Variants in KCNMA1 observed in about 807,000 individuals in gnomAD.
KCNMA1 encodes Calcium-activated potassium channel subunit alpha-1.
Under a neutral mutation model 140.0 loss-of-function variants are expected in KCNMA1, and 29 were observed. That is an observed-to-expected ratio of 0.21 (90% CI 0.15 to 0.28). The LOEUF (loss-of-function observed/expected upper bound fraction) is 0.28. Among genes scored for constraint, KCNMA1 ranks in the 10% least tolerant of loss-of-function variants. The probability of loss-of-function intolerance (pLI) is 1.00; values close to 1 mark genes in which losing one functional copy is unlikely to be tolerated. For missense variants in KCNMA1, 880 were observed against 1,602.2 expected, an observed-to-expected ratio of 0.55 and a Z score of 7.70; for synonymous variants, 612 against 611.9, an observed-to-expected ratio of 1.00 and a Z score of 0.00.
intron 20 of KCNMA1, among the ~76,000 whole-genome samples, chr10:76,968,543 A>T (rs1295376572): frequency 1.3e-5 from 2 of 152,176 alleles, no homozygotes; most frequent in Non-Finnish European, 2.9e-5. Flanking sequence ...GCTTTTCTCT[A>T]CTTTAAATGG....
Position 77,466,108 on chromosome 10 carries a change from A to G in KCNMA1, c.379-62085T>C, listed in dbSNP as rs1033650453. ...GACCATGAGGCCCAGGGCTGCATCC[A>G]CCTCTTCCTGGCCCAGACCTCTCTG... is the stretch of plus-strand genomic sequence containing the variant. On this transcript the variant is annotated intron_variant, in intron 1 of 27. Transcript: ENST00000286628. 4.0e-5 allele frequency among the ~76,000 whole-genome samples: 6 copies of G among 151,882 alleles called. No individual in the cohort carries two copies. The South Asian group carries it at 1.3e-3, about 32-fold the overall frequency.
intron 5 of KCNMA1, among the ~76,000 whole-genome samples, chr10:77,181,423 C>T (rs114414065): frequency 6.6e-6 from 1 of 152,302 alleles, no homozygotes; most frequent in African/African-American, 2.4e-5. Flanking sequence ...CTCAGGGGTG[C>T]TGCTGATAGA....
chr10:77,431,681 T>TAA lies in KCNMA1; in HGVS notation c.379-27660_379-27659dup, dbSNP rs71028276. Among the ~76,000 whole-genome samples the TAA allele has an allele frequency of 9.1e-3, 687 of 75,386 alleles. 15 individuals carry two copies. The highest frequency in any genetic ancestry group is 0.015 in the South Asian group (27 of 1,750). The allele number at this position is 75,386 out of a possible 152,430, so 49.5% of individuals were successfully genotyped here. ...CATGCCCCTGAAGTCTGGTCTGTTG[T>TAA]AAAAAAAAAAAAAAAAAAAAAAAAA... On this transcript the variant is annotated intron_variant, in intron 1 of 27. Coordinates refer to ENST00000286628, the MANE Select transcript of KCNMA1 (RefSeq NM_001161352.2).
At chr10:76,926,783 C>T (rs1009474371) in intron 23 of KCNMA1, among the ~76,000 whole-genome samples, 1 of 152,140 alleles carries the variant, frequency 6.6e-6, no homozygotes, top group Non-Finnish European at 1.5e-5. Flanking sequence ...TTCCAGAATC[C>T]TATCACATTG....
chr10:77,318,933 C>T (rs1026049925), intron 2 of KCNMA1, among the ~76,000 whole-genome samples: 2 of 152,142 alleles, frequency 1.3e-5, no homozygotes, highest in South Asian at 2.1e-4. Flanking sequence ...GCTGCTGGCC[C>T]GCTGCAAGCC....
At chr10:76,909,388 A>G (rs1293235152) in intron 25 of KCNMA1, among the ~76,000 whole-genome samples, 1 of 152,132 alleles carries the variant, frequency 6.6e-6, no homozygotes, top group Non-Finnish European at 1.5e-5. Flanking sequence ...AATCCCCTTA[A>G]AGCATGAACC....
chr10:77,407,146 A>G (rs2096494582), intron 1 of KCNMA1, among the ~76,000 whole-genome samples: 1 of 152,198 alleles, frequency 6.6e-6, no homozygotes. Context: ...ATTTGCTTAC[A>G]CTAGATGTTG....
chr10:77,474,131 CAG>C (rs1487321214), intron 1 of KCNMA1, among the ~76,000 whole-genome samples: 5 of 152,290 alleles, frequency 3.3e-5, no homozygotes, highest in East Asian at 3.9e-4. Flanking sequence ...AACAGGAAGA[CAG>C]GGGTGAAAAC....
chr10:77,544,138 A>G (rs1297093114), intron 1 of KCNMA1, among the ~76,000 whole-genome samples: 4 of 144,276 alleles, frequency 2.8e-5, no homozygotes, highest in Non-Finnish European at 6.0e-5. Context: ...TGTGATCTAC[A>G]TATCTTTCCA....
chr10:77,407,633 G>T (rs538416933), intron 1 of KCNMA1, among the ~76,000 whole-genome samples: 3 of 152,334 alleles, frequency 2.0e-5, no homozygotes, highest in African/African-American at 7.2e-5. Context: ...GCCCACCTGG[G>T]CTTGTACCTG....
chr10:77,636,972 C>T, intron 1 of KCNMA1: 1 of 1,412,860 alleles, frequency 7.1e-7, no homozygotes, highest in Non-Finnish European at 9.2e-7. Flanking sequence ...CCTGTGAGTC[C>T]CCGACCCCGG....
At chr10:77,559,367 C>T (rs920436602) in intron 1 of KCNMA1, among the ~76,000 whole-genome samples, 2 of 152,228 alleles carry the variant, frequency 1.3e-5, no homozygotes, top group East Asian at 1.9e-4. Flanking sequence ...GGACCTGGCA[C>T]AGTCGACACT....
chr10:77,497,531 A>G (rs527556130), intron 1 of KCNMA1, among the ~76,000 whole-genome samples: 1 of 152,320 alleles, frequency 6.6e-6, no homozygotes, highest in African/African-American at 2.4e-5. Context: ...CCCCGCAGAC[A>G]GGCTTCCAAA....
chr10:77,011,839 G>A lies in KCNMA1; in HGVS notation c.2092+128C>T, dbSNP rs555914146. ...TATTTCATATTTCTTTAAACTGCTGGGTGAAACATAAACATACTCAAGAAA... is the reference window on the plus strand; with the variant it reads ...TATTTCATATTTCTTTAAACTGCTGAGTGAAACATAAACATACTCAAGAAA... On this transcript the variant is annotated intron_variant, in intron 18 of 27. Transcript: ENST00000286628. The A allele has an allele frequency of 1.2e-4, 103 of 830,896 alleles. No individual in the cohort carries two copies. In the African/African-American group the frequency reaches 1.5e-3, roughly 12 times the overall value. The allele number at this position is 830,896 out of a possible 1,614,324, so 51.5% of individuals were successfully genotyped here.
intron 3 of KCNMA1, among the ~76,000 whole-genome samples, chr10:77,224,846 G>T (rs1470314730): frequency 9.2e-5 from 14 of 152,284 alleles, no homozygotes; most frequent in African/African-American, 3.4e-4. Flanking sequence ...GTAAGGCTCA[G>T]AAGAGCTAAT....
At chr10:77,312,098 C>T (rs1163926105) in intron 2 of KCNMA1, among the ~76,000 whole-genome samples, 1 of 152,208 alleles carries the variant, frequency 6.6e-6, no homozygotes, top group African/African-American at 2.4e-5. Context: ...AGGGAGAACA[C>T]CCAGAAAGGT....
In KCNMA1 at chr10:76,949,258, G is replaced by A. The variant is rs1591664697; in HGVS notation, c.2593C>T (p.Arg865Cys). Residue 865 changes from arginine (R) to cysteine (C), a missense_variant, in exon 22 of 28, where the codon CGT (arginine) becomes TGT (cysteine). Around this residue, in one of 13 missense-constraint regions of KCNMA1, gnomAD observed 82 missense variants for 170.1 expected, o/e 0.48. Transcript: ENST00000286628. ...IGLRNLVMPLRASNFHYHELK... is the reference protein window; with the variant it reads ...IGLRNLVMPLCASNFHYHELK... ...TCATGGTAATGAAAGTTGCTGGCAC[G>A]GAGCGGCATCACCAGGTTCCGGAGG... 4 of 1,614,082 alleles carry A rather than the reference G, an allele frequency of 2.5e-6. No homozygotes were observed. Among genetic ancestry groups the A allele is most frequent in the Admixed American group, 1.7e-5 (1 of 60,006 alleles).
chr10:77,629,232 C>G (rs2092904322), intron 1 of KCNMA1, among the ~76,000 whole-genome samples: 1 of 152,176 alleles, frequency 6.6e-6, no homozygotes. Context: ...ATGCCAAAAA[C>G]AAAGCAAGTT....
chr10:77,387,015 G>A (rs1220592582), intron 2 of KCNMA1, among the ~76,000 whole-genome samples: 3 of 152,178 alleles, frequency 2.0e-5, no homozygotes, highest in South Asian at 4.1e-4. Context: ...CATCTGCAGC[G>A]ATTGGGAGAA....
Sources: gnomAD v4.1 joint callset for allele counts (sites outside exome capture counted in the v4.1 genomes callset) on GRCh38, gnomAD v4.1.1 for gene constraint, gnomAD v4.1.1 regional missense constraint, MANE v1.5 for transcripts, NCBI Gene and HGNC (gene_info 2026-07-23, HGNC 2026-07-21) for gene names.